DPP6: variants seen among roughly 807,000 people sequenced by gnomAD.
DPP6 encodes the protein dipeptidyl peptidase like 6.
In DPP6, 69 loss-of-function variants were observed where a neutral mutation model predicts 122.6. The observed-to-expected ratio is 0.56, with a 90% CI of 0.46 to 0.69. The LOEUF is 0.69. DPP6 is among the 30% of genes least tolerant of loss of function. The pLI, the probability that DPP6 is intolerant of heterozygous loss-of-function variation, is 0.00. For synonymous variants in DPP6, 418 were observed against 433.1 expected, an observed-to-expected ratio of 0.97 and a Z score of 0.43; for missense variants, 928 against 1,116.9, an observed-to-expected ratio of 0.83 and a Z score of 2.41.
chr7:154,405,250 A>G (rs555176429), intron 1 of DPP6, among the ~76,000 whole-genome samples: 2 of 152,202 alleles, frequency 1.3e-5, no homozygotes, highest in African/African-American at 2.4e-5. Flanking sequence ...CCAGATCTTC[A>G]GGTCCAGATC....
intron 1 of DPP6, among the ~76,000 whole-genome samples, chr7:154,135,314 T>C (rs1239199028): frequency 6.6e-6 from 1 of 151,922 alleles, no homozygotes; most frequent in Non-Finnish European, 1.5e-5. Flanking sequence ...TTCTTATCTA[T>C]GCACTTCCTA....
chr7:153,993,621 C>T (rs1450370056), intron 1 of DPP6, among the ~76,000 whole-genome samples: 2 of 152,214 alleles, frequency 1.3e-5, no homozygotes, highest in African/African-American at 2.4e-5. Context: ...ACTTCATCCT[C>T]ATGCATGTGT....
intron 8 of DPP6, among the ~76,000 whole-genome samples, chr7:154,740,334 G>A (rs369651053): frequency 3.5e-4 from 53 of 150,590 alleles, no homozygotes; most frequent in African/African-American, 1.3e-3. Flanking sequence ...AGTCACCTAA[G>A]GACATTAGAC....
the DPP6 span, among the ~76,000 whole-genome samples, chr7:153,843,755 A>T: frequency 6.6e-6 from 1 of 152,176 alleles, no homozygotes; most frequent in Non-Finnish European, 1.5e-5. Context: ...AGAGCCTTAA[A>T]ACAGAAACAC....
chr7:154,343,460 G>A (rs895479918), intron 1 of DPP6, among the ~76,000 whole-genome samples: 3 of 152,202 alleles, frequency 2.0e-5, no homozygotes, highest in South Asian at 2.1e-4. Flanking sequence ...GCTATTCAGC[G>A]GCTTGAAGTC....
chr7:153,757,637 C>T, the DPP6 span, among the ~76,000 whole-genome samples: 1 of 152,186 alleles, frequency 6.6e-6, no homozygotes, highest in Non-Finnish European at 1.5e-5. Context: ...TCACGTCAAG[C>T]TCCAACTTCA....
chr7:154,123,742 C>T (rs1396024866), intron 1 of DPP6, among the ~76,000 whole-genome samples: 3 of 138,498 alleles, frequency 2.2e-5, no homozygotes, highest in East Asian at 2.1e-4. Context: ...TTGTGCTGCC[C>T]GCTCGTGGGG....
In DPP6 at chr7:154,052,656, G is replaced by C. The variant is rs1800440002; in HGVS notation, c.-165G>C. ...CAGCGGAGACTCGCGAGTGGCGCGC[G>C]GGAGGAGCGGCCGCCGGCGCTGGGC... is the stretch of plus-strand genomic sequence containing the variant. On this transcript the variant is annotated 5_prime_UTR_variant, in exon 1 of 26. Transcript: ENST00000377770. This position sits in a 1 kb window ranked among gnomAD's most constrained non-coding sequence, Gnocchi z 4.8. 7.9e-7 allele frequency: 1 copy of C among 1,260,314 alleles called. No individual in the cohort carries two copies. Among genetic ancestry groups the C allele is most frequent in the Non-Finnish European group, 1.0e-6 (1 of 991,578 alleles). 78.1% of individuals were successfully genotyped at this position (1,260,314 alleles called of 1,614,324 possible). A position where few individuals can be genotyped will look rare whatever the true frequency, so the allele number is the denominator to read the frequency against.
At chr7:153,770,352 A>G in the DPP6 span, among the ~76,000 whole-genome samples, 1 of 152,196 alleles carries the variant, frequency 6.6e-6, no homozygotes, top group Admixed American at 6.5e-5. Context: ...ACCAAAGAAC[A>G]TAGTCCCTGG....
intron 7 of DPP6, among the ~76,000 whole-genome samples, chr7:154,694,737 C>T (rs538124932): frequency 5.3e-4 from 81 of 152,282 alleles, no homozygotes; most frequent in African/African-American, 1.9e-3. Context: ...CAAGGCCCGG[C>T]GGACCCCTTT....
intron 6 of DPP6, among the ~76,000 whole-genome samples, chr7:154,650,560 G>A (rs575168383): frequency 3.9e-5 from 6 of 152,158 alleles, no homozygotes; most frequent in Non-Finnish European, 8.8e-5. Flanking sequence ...TAATTCCAAA[G>A]TGAGGGCTGG....
At chr7:154,024,260 C>T (rs1371877380) in intron 1 of DPP6, among the ~76,000 whole-genome samples, 1 of 152,176 alleles carries the variant, frequency 6.6e-6, no homozygotes, top group Non-Finnish European at 1.5e-5. Flanking sequence ...TTCAGATAAT[C>T]TGATCAGTAG....
chr7:154,268,944 T>C (rs373817475), intron 1 of DPP6, among the ~76,000 whole-genome samples: 60 of 59,332 alleles, frequency 1.0e-3, no homozygotes, highest in African/African-American at 3.0e-3. Context: ...CTATGTAAAT[T>C]TGCAGATAAA....
intron 1 of DPP6, among the ~76,000 whole-genome samples, chr7:154,265,424 A>G (rs2150923529): frequency 6.6e-6 from 1 of 152,332 alleles, no homozygotes; most frequent in Non-Finnish European, 1.5e-5. Context: ...TGTGCCACTC[A>G]AGTCCTTGGG....
the DPP6 span, among the ~76,000 whole-genome samples, chr7:153,774,794 G>A: frequency 1.9e-3 from 292 of 152,066 alleles, 1 homozygote; most frequent in African/African-American, 6.5e-3. Flanking sequence ...GCAAGACGTC[G>A]TTTCTATGAA....
In DPP6 at chr7:154,147,628, C is replaced by T. The variant is rs547898994; in HGVS notation, c.243+94565C>T. On this transcript the variant is annotated intron_variant, in intron 1 of 25. Coordinates refer to ENST00000377770, the MANE Select transcript of DPP6 (RefSeq NM_130797.4). ...CTGAGTAGCTGGGATTACAGGCACC[C>T]ACCACTATACCCAGCTAATTTGTGT... is the stretch of plus-strand genomic sequence containing the variant. Among the ~76,000 whole-genome samples, 16 of 151,382 alleles carry T rather than the reference C, an allele frequency of 1.1e-4. No homozygotes were observed. The South Asian group carries it at 3.4e-3, about 32-fold the overall frequency.
rs1585136788 is a variant in DPP6, at chr7:153,988,193, A to T, written c.51+100459A>T. Among the ~76,000 whole-genome samples, 4 of 152,106 alleles carry T rather than the reference A, an allele frequency of 2.6e-5. No individual in the cohort carries two copies. In the East Asian group the frequency reaches 7.8e-4, roughly 30 times the overall value. ...GGAGGGAGGGAGGGCGTCGAGGGTG[A>T]TGCATCAAACTGAGGGTGACAAGAA... On this transcript the variant is annotated intron_variant, in intron 1 of 25. Transcript: ENST00000404039.
chr7:154,313,715 A>ATATATATATATATATATACG (rs1563460487), intron 1 of DPP6, among the ~76,000 whole-genome samples: 1 of 35,816 alleles, frequency 2.8e-5, no homozygotes, highest in African/African-American at 1.1e-4. Context: ...ATATATATAT[A>ATATATATATATATATATACG]CACACACACG....
chr7:153,817,790 T>A, the DPP6 span, among the ~76,000 whole-genome samples: 7 of 135,986 alleles, frequency 5.1e-5, no homozygotes, highest in Non-Finnish European at 9.5e-5. Flanking sequence ...GGGGGAGGGA[T>A]AGCATTAGGA....
Sources: allele counts gnomAD v4.1 joint callset (sites outside exome capture counted in the v4.1 genomes callset), GRCh38; gene constraint gnomAD v4.1.1; non-coding constraint Gnocchi (gnomAD v3.1); transcripts MANE v1.5; gene names NCBI Gene and HGNC (gene_info 2026-07-23, HGNC 2026-07-21).